The following VTI1B variants were observed in gnomAD, a reference collection of about 807,000 sequenced individuals.
The protein encoded by VTI1B is vesicle transport through interaction with t-SNAREs homolog 1B.
A neutral mutation model predicts 28.6 loss-of-function variants in VTI1B; 18 were observed. That is an observed-to-expected ratio of 0.63 (90% CI 0.43 to 0.93). The LOEUF (loss-of-function observed/expected upper bound fraction) is 0.93. Among genes scored for constraint, VTI1B ranks in the 40% least tolerant of loss-of-function variants. The pLI is 0.00. For synonymous variants in VTI1B, 100 were observed against 107.9 expected, an observed-to-expected ratio of 0.93 and a Z score of 0.46; for missense variants, 283 against 297.0, an observed-to-expected ratio of 0.95 and a Z score of 0.35.
chr14:67,666,017 TC>T (rs2037398389), intron 1 of VTI1B, among the ~76,000 whole-genome samples: 1 of 152,168 alleles, frequency 6.6e-6, no homozygotes, highest in African/African-American at 2.4e-5. Flanking sequence ...AACGGCTACT[TC>T]CATGGAGCAG....
Position 67,674,374 on chromosome 14 carries a change from C to A in VTI1B, c.115+1G>T. 6.3e-7 allele frequency: 1 copy of A among 1,591,590 alleles called. No homozygotes were observed. Among genetic ancestry groups the A allele is most frequent in the Non-Finnish European group, 8.5e-7 (1 of 1,171,232 alleles). On this transcript the variant is annotated splice_donor_variant, in intron 1 of 5. Transcript: ENST00000554659. LOFTEE classifies it high-confidence loss of function. The stretch of plus-strand genomic sequence containing the variant: ...CACGGCGTGGCCCACCCCCGCCTCA[C>A]CGGTCCCCGCCGTCCCCAGCAGCCG...
At chr14:67,651,546 G>C (rs948067035) in intron 5 of VTI1B, 65 bp from the exon 6 acceptor site, 16 of 1,573,050 alleles carry the variant, frequency 1.0e-5, no homozygotes, top group Non-Finnish European at 1.3e-5. Flanking sequence ...AAACATTTTG[G>C]GGTTAGACCT....
chr14:67,653,916 G>A (rs571523508), intron 4 of VTI1B, among the ~76,000 whole-genome samples: 4 of 152,302 alleles, frequency 2.6e-5, no homozygotes, highest in Non-Finnish European at 5.9e-5. Context: ...CTGCTTTTGG[G>A]ATCTGGTTTT....
intron 3 of VTI1B, among the ~76,000 whole-genome samples, chr14:67,657,598 G>GCACACA (rs544102029): frequency 3.6e-5 from 4 of 112,372 alleles, no homozygotes; most frequent in East Asian, 3.2e-4. Context: ...GCGCGCGCGT[G>GCACACA]CACACACACA....
chr14:67,674,020 G>C (rs1232138224), intron 1 of VTI1B, among the ~76,000 whole-genome samples: 2 of 152,182 alleles, frequency 1.3e-5, no homozygotes, highest in Admixed American at 1.3e-4. Flanking sequence ...AACTAGACCT[G>C]TCTTGAGACT....
intron 1 of VTI1B, among the ~76,000 whole-genome samples, chr14:67,663,587 T>C (rs2037365659): frequency 6.6e-6 from 1 of 150,922 alleles, no homozygotes; most frequent in South Asian, 2.1e-4. Flanking sequence ...GGCAGGAGAA[T>C]GGTGTGAACC....
Position 67,656,607 on chromosome 14 carries a change from G to A in VTI1B, c.367-18C>T, listed in dbSNP as rs367899113. The A allele has an allele frequency of 3.8e-6, 6 of 1,588,162 alleles. No individual in the cohort carries two copies. The highest frequency in any genetic ancestry group is 3.4e-6 in the Non-Finnish European group (4 of 1,166,540). On this transcript the variant is annotated intron_variant, in intron 3 of 5. Transcript: ENST00000554659. ...AGCCGATTCTGAAAGAAGTATGGAAGAGAAATGTTAGACTTTTTCCATTAT... is the reference window on the plus strand; with the variant it reads ...AGCCGATTCTGAAAGAAGTATGGAAAAGAAATGTTAGACTTTTTCCATTAT...
chr14:67,674,550 C>T lies in VTI1B; in HGVS notation c.-61G>A, dbSNP rs527513430. The T allele has an allele frequency of 2.8e-6, 4 of 1,451,968 alleles. No individual in the cohort carries two copies. In the South Asian group the frequency reaches 4.0e-5, roughly 14 times the overall value. The allele number at this position is 1,451,968 out of a possible 1,614,324, so 89.9% of individuals were successfully genotyped here. On this transcript the variant is annotated 5_prime_UTR_variant, in exon 1 of 6. Coordinates refer to ENST00000554659, the MANE Select transcript of VTI1B (RefSeq NM_006370.3). ...TCGGGGCCCTGGGCCCTTTCCTAGC[C>T]CGGCGGTCAGCCGCCCAGCCCAGTG...
intron 1 of VTI1B, among the ~76,000 whole-genome samples, chr14:67,671,533 C>CA (rs1267994059): frequency 7.3e-5 from 11 of 150,888 alleles, no homozygotes; most frequent in South Asian, 2.1e-4. Flanking sequence ...CTCAAAAAAA[C>CA]AAAAAAAAGA....
chr14:67,663,084 C>T (rs1188893423), intron 1 of VTI1B: 6 of 1,482,574 alleles, frequency 4.0e-6, no homozygotes, highest in African/African-American at 2.8e-5. Context: ...GGTGTGGCAC[C>T]GGCAATGACT....
chr14:67,648,298 T>A lies in VTI1B; in HGVS notation c.*3087A>T. The A allele has an allele frequency of 8.3e-7, 1 of 1,201,534 alleles. No homozygotes were observed. The highest frequency in any genetic ancestry group is 1.1e-6 in the Non-Finnish European group (1 of 878,446). The allele number at this position is 1,201,534 out of a possible 1,614,324, so 74.4% of individuals were successfully genotyped here. A position where few individuals can be genotyped will look rare whatever the true frequency, so the allele number is the denominator to read the frequency against. Reference sequence around the variant, plus strand: ...CATCATTGCAGAGTTTGTTTTTGCTTAAACTTTTGTAGCTAAAAATTATAT... The same window carrying A: ...CATCATTGCAGAGTTTGTTTTTGCTAAAACTTTTGTAGCTAAAAATTATAT... On this transcript the variant is annotated 3_prime_UTR_variant, in exon 6 of 6. Coordinates refer to ENST00000554659, the MANE Select transcript of VTI1B (RefSeq NM_006370.3).
chr14:67,656,430 G>A lies in VTI1B; in HGVS notation c.526C>T (p.Arg176Cys), dbSNP rs1311189346. 15 of 1,611,970 alleles carry A rather than the reference G, an allele frequency of 9.3e-6. No individual in the cohort carries two copies. The highest frequency in any genetic ancestry group is 6.7e-5 in the Admixed American group (4 of 59,852). The stretch of plus-strand genomic sequence containing the variant: ...CCCAGACTTACTCTACTCTTGGTAC[G>A]TTCTAACTGGTCTCGTTGTTCCCCC... ...ELGEQRDQLE[R>C]TKSRLVNTSE... Residue 176 changes from arginine to cysteine, a missense_variant, in exon 4 of 6, where the codon CGT (arginine) becomes TGT (cysteine). Physicochemically the swap from Arg to Cys is radical, Grantham distance 180. Transcript: ENST00000554659.
chr14:67,658,545 C>T (rs1158919886), intron 3 of VTI1B, among the ~76,000 whole-genome samples: 1 of 152,068 alleles, frequency 6.6e-6, no homozygotes, highest in Non-Finnish European at 1.5e-5. Flanking sequence ...TGCAGTGAGC[C>T]GAGATTGCGC....
chr14:67,672,033 T>C (rs188658622), intron 1 of VTI1B, among the ~76,000 whole-genome samples: 2 of 152,364 alleles, frequency 1.3e-5, no homozygotes, highest in Admixed American at 1.3e-4. Flanking sequence ...ATTTTCTATT[T>C]TTCAAAGCAA....
At chr14:67,660,803 T>A (rs1594837623) in intron 2 of VTI1B, among the ~76,000 whole-genome samples, 1 of 152,214 alleles carries the variant, frequency 6.6e-6, no homozygotes. Context: ...AGAAAACAAG[T>A]ATCTGAGCAT....
At chr14:67,668,026 C>T (rs2037423102) in intron 1 of VTI1B, among the ~76,000 whole-genome samples, 2 of 152,110 alleles carry the variant, frequency 1.3e-5, no homozygotes, top group African/African-American at 2.4e-5. Context: ...TGGTGTTTAT[C>T]GGCCAGCTGA....
In VTI1B at chr14:67,647,587, T is replaced by C. The variant is rs1384657446; in HGVS notation, c.*3798A>G. On this transcript the variant is annotated 3_prime_UTR_variant, in exon 6 of 6. Transcript: ENST00000554659. ...ATGGAAGATGTTAAAACTGCAGACC[T>C]AAAATTAGAGTTCACTTCAGCTGCT... 1.3e-5 allele frequency: 2 copies of C among 155,966 alleles called. No homozygotes were observed. The highest frequency in any genetic ancestry group is 4.8e-5 in the African/African-American group (2 of 41,534). 9.7% of individuals were successfully genotyped at this position (155,966 alleles called of 1,614,324 possible).
In VTI1B at chr14:67,674,431, C is replaced by T. The variant is rs1261434892; in HGVS notation, c.59G>A (p.Gly20Asp). The change falls in exon 1 of 6, where the codon GGC becomes GAC. Residue 20 changes from glycine (G) to aspartate (D), a missense_variant. Physicochemically the swap from Gly to Asp is moderately conservative, Grantham distance 94. Coordinates refer to ENST00000554659, the MANE Select transcript of VTI1B (RefSeq NM_006370.3). ...HFEKLHEIFR[G>D]LHEDLQGVPE... ...CACCCCTTGTAGGTCTTCATGGAGG[C>T]CGCGGAAGATCTCGTGCAGCTTCTC... 3.1e-6 allele frequency: 5 copies of T among 1,609,248 alleles called. No individual in the cohort carries two copies. In the South Asian group the frequency reaches 5.5e-5, roughly 18 times the overall value.
chr14:67,656,667 C>T (rs1244641847), intron 3 of VTI1B, 78 bp from the exon 4 acceptor site: 2 of 1,468,320 alleles, frequency 1.4e-6, no homozygotes, highest in African/African-American at 2.8e-5. Context: ...ATCACCTTCC[C>T]CATGTTAGAA....
Sources: gnomAD v4.1 joint callset for allele counts (sites outside exome capture counted in the v4.1 genomes callset) on GRCh38, gnomAD v4.1.1 for gene constraint, MANE v1.5 for transcripts, NCBI Gene and HGNC (gene_info 2026-07-23, HGNC 2026-07-21) for gene names.